POC1A: variants seen among roughly 807,000 people sequenced by gnomAD.
POC1A encodes POC1 centriolar protein homolog A.
POC1A carries 34 observed loss-of-function variants against 47.8 expected under a neutral mutation model. The observed-to-expected ratio is 0.71, with a 90% CI of 0.54 to 0.95. POC1A has a LOEUF of 0.95. Among genes scored for constraint, POC1A ranks in the 40% least tolerant of loss-of-function variants. The pLI is 0.00. For synonymous variants in POC1A, 177 were observed against 207.6 expected, an observed-to-expected ratio of 0.85 and a Z score of 1.27; for missense variants, 466 against 528.3, an observed-to-expected ratio of 0.88 and a Z score of 1.16.
intron 10 of POC1A, among the ~76,000 whole-genome samples, chr3:52,083,292 C>G (rs1324408992): frequency 6.6e-6 from 1 of 152,136 alleles, no homozygotes; most frequent in Non-Finnish European, 1.5e-5. Context: ...CATAGTGCTT[C>G]TGGAGAGGGT....
intron 8 of POC1A, among the ~76,000 whole-genome samples, chr3:52,123,118 T>C (rs1277759852): frequency 6.6e-6 from 1 of 152,214 alleles, no homozygotes; most frequent in East Asian, 1.9e-4. Flanking sequence ...GGGGCTGCTG[T>C]GAGGCTCACA....
rs533325714 is a variant in POC1A, at chr3:52,114,313, C to G, written c.981+8066G>C. ...CCCCATGCTGTGCCCAGCCCCAGTA[C>G]ATCCCATGTAAACCGGAGACGCCCC... is the stretch of plus-strand genomic sequence containing the variant. On this transcript the variant is annotated intron_variant, in intron 9 of 10. Coordinates refer to ENST00000296484, the MANE Select transcript of POC1A (RefSeq NM_015426.5). 9.8e-5 allele frequency among the ~76,000 whole-genome samples: 15 copies of G among 152,360 alleles called. No homozygotes were observed. The East Asian group carries it at 2.7e-3, about 27-fold the overall frequency.
chr3:52,085,265 C>G (rs560663160), intron 10 of POC1A, among the ~76,000 whole-genome samples: 1 of 152,318 alleles, frequency 6.6e-6, no homozygotes, highest in Non-Finnish European at 1.5e-5. Context: ...GCCTCCCAGG[C>G]AGGGCTCGAG....
intron 9 of POC1A, among the ~76,000 whole-genome samples, chr3:52,116,766 G>A (rs1452774323): frequency 6.6e-6 from 1 of 152,170 alleles, no homozygotes; most frequent in Non-Finnish European, 1.5e-5. Context: ...CTAAAGCTTG[G>A]TGGGGCAGGC....
At chr3:52,103,598 T>C (rs1414741394) in intron 9 of POC1A, among the ~76,000 whole-genome samples, 2 of 152,138 alleles carry the variant, frequency 1.3e-5, no homozygotes, top group Non-Finnish European at 2.9e-5. Flanking sequence ...CTGTAAAACA[T>C]AGAAAATCTC....
Position 52,145,948 on chromosome 3 carries a change from C to T in POC1A, c.577G>A (p.Val193Met), listed in dbSNP as rs749844970. 6.2e-6 allele frequency: 10 copies of T among 1,610,804 alleles called. No homozygotes were observed. The highest frequency in any genetic ancestry group is 4.5e-5 in the East Asian group (2 of 44,868). ...YCEHGGFVTY[V>M]DFHPSGTCIA... is the part of the protein sequence containing the mutation. ...CACGTCCCACTGGGGTGGAAGTCCA[C>T]ATAGGTGACAAAGCTGGAAAGACAG... The change falls in exon 6 of 11, where the codon GTG (valine) becomes ATG (methionine). Residue 193 changes from valine to methionine, a missense_variant. Coordinates refer to ENST00000296484, the MANE Select transcript of POC1A (RefSeq NM_015426.5).
chr3:52,130,566 CT>C (rs1183814287), intron 7 of POC1A, among the ~76,000 whole-genome samples: 2 of 152,214 alleles, frequency 1.3e-5, no homozygotes, highest in Non-Finnish European at 2.9e-5. Flanking sequence ...TTCTTAGTTT[CT>C]TAGTGTGAAA....
intron 9 of POC1A, among the ~76,000 whole-genome samples, chr3:52,097,108 T>C (rs1366042880): frequency 2.0e-5 from 3 of 152,272 alleles, no homozygotes; most frequent in Non-Finnish European, 2.9e-5. Context: ...AAGCCTGGCC[T>C]GGGCCTGAAG....
intron 6 of POC1A, among the ~76,000 whole-genome samples, chr3:52,141,991 A>G (rs28452586): frequency 0.16 from 24,137 of 152,110 alleles, 3,216 homozygotes; most frequent in African/African-American, 0.36. Context: ...AGGGAGCCTG[A>G]AGAGTAAATG....
At chr3:52,125,487 C>T (rs1372701750) in intron 7 of POC1A, among the ~76,000 whole-genome samples, 1 of 152,120 alleles carries the variant, frequency 6.6e-6, no homozygotes, top group East Asian at 1.9e-4. Context: ...GCCTCATTGT[C>T]CCCACTTTCC....
chr3:52,124,794 G>T (rs1703933567), intron 8 of POC1A, among the ~76,000 whole-genome samples: 1 of 152,138 alleles, frequency 6.6e-6, no homozygotes, highest in Admixed American at 6.5e-5. Context: ...CTATTTATTT[G>T]GAATCAGGAA....
chr3:52,138,153 G>A lies in POC1A; in HGVS notation c.813+16C>T. 1.2e-6 allele frequency: 2 copies of A among 1,614,060 alleles called. No individual in the cohort carries two copies. Among genetic ancestry groups the A allele is most frequent in the Non-Finnish European group, 1.7e-6 (2 of 1,179,932 alleles). On this transcript the variant is annotated intron_variant, in intron 7 of 10. Coordinates refer to ENST00000296484, the MANE Select transcript of POC1A (RefSeq NM_015426.5). ...CACCACTCCACACCACTCAGCACCT[G>A]GCCGACACCTCTCACCTGATGCCCG...
chr3:52,119,393 CTT>C (rs201766579), intron 9 of POC1A, among the ~76,000 whole-genome samples: 1 of 143,276 alleles, frequency 7.0e-6, no homozygotes, highest in African/African-American at 2.6e-5. Context: ...CATCAGAAGA[CTT>C]TTTTTTTTTT....
chr3:52,149,962 G>C lies in POC1A; in HGVS notation c.129C>G (p.Leu43=). 1.2e-6 allele frequency: 2 copies of C among 1,613,720 alleles called. No individual in the cohort carries two copies. The highest frequency in any genetic ancestry group is 2.7e-5 in the African/African-American group (2 of 75,068). The change falls in exon 3 of 11, where the codon CTC becomes CTG. Residue 43 remains leucine, a synonymous_variant. Transcript: ENST00000296484. ...QLASGSMDSC[L]MVWHMKPQSR... is the part of the protein sequence containing the mutation. ...ACTGCGGCTTCATGTGCCAGACCAT[G>C]AGGCATGAGTCCATGGAGCCACTGG...
chr3:52,110,758 G>C (rs1703352098), intron 9 of POC1A, among the ~76,000 whole-genome samples: 1 of 152,186 alleles, frequency 6.6e-6, no homozygotes, highest in African/African-American at 2.4e-5. Flanking sequence ...GCTCTGCCTG[G>C]GGCCATGTGT....
In POC1A at chr3:52,154,321, T is replaced by C. The variant is rs983805159; in HGVS notation, c.18+34A>G. ...GCGCCCAGTGTCCCAGCGGGGAGAC[T>C]GAGGCCTGGGGAGTTGCTCTCGGCT... On this transcript the variant is annotated intron_variant, in intron 1 of 10. Coordinates refer to ENST00000296484, the MANE Select transcript of POC1A (RefSeq NM_015426.5). 1.2e-5 allele frequency: 19 copies of C among 1,556,876 alleles called. No individual in the cohort carries two copies. In the African/African-American group the frequency reaches 1.7e-4, roughly 14 times the overall value.
intron 9 of POC1A, among the ~76,000 whole-genome samples, chr3:52,106,088 G>T (rs1018279834): frequency 6.7e-6 from 1 of 150,232 alleles, no homozygotes; most frequent in Non-Finnish European, 1.5e-5. Flanking sequence ...CCACCTACTT[G>T]GGAGGCTGAG....
chr3:52,111,439 G>C (rs1190749465), intron 9 of POC1A, among the ~76,000 whole-genome samples: 2 of 152,174 alleles, frequency 1.3e-5, no homozygotes, highest in Non-Finnish European at 2.9e-5. Context: ...CAGAGGTCAA[G>C]AGTTTGTGAC....
intron 9 of POC1A, among the ~76,000 whole-genome samples, chr3:52,097,859 G>A (rs915408351): frequency 2.0e-5 from 3 of 152,170 alleles, no homozygotes; most frequent in African/African-American, 7.2e-5. Context: ...CGGCCATCAG[G>A]GCTGGGTCTC....
Sources: gnomAD v4.1 joint callset for allele counts (sites outside exome capture counted in the v4.1 genomes callset) on GRCh38, gnomAD v4.1.1 for gene constraint, MANE v1.5 for transcripts, NCBI Gene and HGNC (gene_info 2026-07-23, HGNC 2026-07-21) for gene names.